The following SOBP variants were observed in gnomAD, a reference collection of about 807,000 sequenced individuals.
SOBP encodes the protein sine oculis binding protein homolog, also known as sine oculis-binding protein homolog.
SOBP carries 4 observed loss-of-function variants against 53.6 expected under a neutral mutation model. The observed-to-expected ratio is 0.07, with a 90% confidence interval of 0.04 to 0.17. The LOEUF is 0.17. SOBP is among the 10% of genes least tolerant of loss of function. The pLI is 1.00. For synonymous variants in SOBP, 584 were observed against 522.6 expected, an observed-to-expected ratio of 1.12 and a Z score of -1.60; for missense variants, 1,088 against 1,204.7, an observed-to-expected ratio of 0.90 and a Z score of 1.43.
At chr6:107,514,201 G>A (rs984936736) in intron 3 of SOBP, 1 of 152,202 alleles carries the variant, frequency 6.6e-6, no homozygotes, top group Admixed American at 6.5e-5. Context: ...TAATAGTACT[G>A]TTGGCATATG....
At position 107,634,627 on chromosome 6, in the gene SOBP, G is replaced by A; in HGVS notation, c.1783G>A (p.Ala595Thr). ...CTCCAAGCAGGGCTCGTCCAAGTCC[G>A]CGGACTCGCCCCCCGGCTGCTCGGG... ...RDSKQGSSKS[A>T]DSPPGCSGQA... Residue 595 changes from alanine to threonine, a missense_variant, in exon 6 of 7, where the codon GCG (alanine) becomes ACG (threonine). Physicochemically the swap from Ala to Thr is moderately conservative, Grantham distance 58. Around this residue, in one of 6 missense-constraint regions of SOBP, gnomAD observed 665 missense variants for 629.7 expected, o/e 1.06. Coordinates refer to ENST00000317357, the MANE Select transcript of SOBP (RefSeq NM_018013.4). This position sits in a 1 kb window ranked among gnomAD's most constrained non-coding sequence, Gnocchi z 4.5. 1 of 1,587,508 alleles carries A rather than the reference G, an allele frequency of 6.3e-7. No individual in the cohort carries two copies. Among genetic ancestry groups the A allele is most frequent in the Non-Finnish European group, 8.5e-7 (1 of 1,173,222 alleles).
At chr6:107,580,554 AG>A (rs1235207408) in intron 4 of SOBP, among the ~76,000 whole-genome samples, 1 of 152,210 alleles carries the variant, frequency 6.6e-6, no homozygotes, top group Non-Finnish European at 1.5e-5. Flanking sequence ...ATGGTAACCA[AG>A]GAGTCTCAGA....
rs1036853806 is a variant in SOBP, at chr6:107,635,089, C to T, written c.2245C>T (p.Pro749Ser). 9.4e-6 allele frequency: 15 copies of T among 1,591,218 alleles called. No individual in the cohort carries two copies. The change falls in exon 6 of 7, where the codon CCG becomes TCG. Residue 749 changes from proline to serine, a missense_variant. Physicochemically the swap from Pro to Ser is moderately conservative, Grantham distance 74. This residue lies in a region of SOBP where 665 missense variants were observed against 629.7 expected (regional missense o/e 1.06). Coordinates refer to ENST00000317357, the MANE Select transcript of SOBP (RefSeq NM_018013.4). The surrounding 1 kb of genome is among the most constrained non-coding windows in gnomAD (Gnocchi z 4.5). ...GCCTCCCGAGCAGCCGCCGCCGCCG[C>T]CGCCGCCCGCGCCCCCCAAGAAGCT... ...EPPPEQPPPP[P>S]PPAPPKKLLS... is the part of the protein sequence containing the mutation.
At chr6:107,625,291 G>A (rs1244716644) in intron 5 of SOBP, among the ~76,000 whole-genome samples, 2 of 152,224 alleles carry the variant, frequency 1.3e-5, no homozygotes, top group East Asian at 1.9e-4. Flanking sequence ...GATACCAGGG[G>A]CTGAGTTGGG....
At chr6:107,532,682 G>A (rs1342472684) in intron 3 of SOBP, among the ~76,000 whole-genome samples, 5 of 152,172 alleles carry the variant, frequency 3.3e-5, no homozygotes, top group Non-Finnish European at 7.3e-5. Context: ...GACATGACAT[G>A]AGGGGCTGGG....
At chr6:107,591,968 G>GTTTTTTTTT (rs56210027) in intron 5 of SOBP, among the ~76,000 whole-genome samples, 5 of 88,636 alleles carry the variant, frequency 5.6e-5, no homozygotes, top group Admixed American at 1.3e-4. Context: ...GTCTTTTGGT[G>GTTTTTTTTT]TTTTTTTTTT....
At chr6:107,652,929 C>T (rs1285944071) in intron 6 of SOBP, among the ~76,000 whole-genome samples, 2 of 151,944 alleles carry the variant, frequency 1.3e-5, no homozygotes, top group Non-Finnish European at 2.9e-5. Flanking sequence ...TGCTACTGCA[C>T]ATTTAATAGA....
chr6:107,526,612 G>A (rs1783672836), intron 3 of SOBP, among the ~76,000 whole-genome samples: 1 of 152,196 alleles, frequency 6.6e-6, no homozygotes, highest in Non-Finnish European at 1.5e-5. Flanking sequence ...GTCATAAAAT[G>A]AGCCACACAC....
At chr6:107,644,370 T>TA (rs1398499495) in intron 6 of SOBP, among the ~76,000 whole-genome samples, 1 of 152,192 alleles carries the variant, frequency 6.6e-6, no homozygotes, top group Admixed American at 6.5e-5. Context: ...CACATGAACT[T>TA]AAAGTGTCAT....
chr6:107,640,899 C>T (rs990471426), intron 6 of SOBP, among the ~76,000 whole-genome samples: 11 of 152,186 alleles, frequency 7.2e-5, no homozygotes, highest in African/African-American at 2.7e-4. Context: ...CTGGTCCTGG[C>T]TCTGTCTCCA....
At chr6:107,645,382 A>G (rs1331287225) in intron 6 of SOBP, among the ~76,000 whole-genome samples, 2 of 152,160 alleles carry the variant, frequency 1.3e-5, no homozygotes, top group Non-Finnish European at 2.9e-5. Flanking sequence ...TCCATTTTGC[A>G]CTAACAATAT....
At chr6:107,618,130 G>A (rs1236866960) in intron 5 of SOBP, among the ~76,000 whole-genome samples, 3 of 152,054 alleles carry the variant, frequency 2.0e-5, no homozygotes, top group South Asian at 2.1e-4. Context: ...TGCGCGGCCC[G>A]TATGCCTTCT....
intron 1 of SOBP, among the ~76,000 whole-genome samples, chr6:107,491,014 G>C (rs1410630633): frequency 6.6e-6 from 1 of 152,138 alleles, no homozygotes; most frequent in Non-Finnish European, 1.5e-5. Context: ...CGTTGGGCAG[G>C]GGAAGAGGCT....
At chr6:107,522,807 G>T (rs913931871) in intron 3 of SOBP, among the ~76,000 whole-genome samples, 4 of 152,214 alleles carry the variant, frequency 2.6e-5, no homozygotes, top group Middle Eastern at 3.4e-3. Flanking sequence ...GCCCCAGAAA[G>T]TGCTGGGATT....
chr6:107,496,970 G>T (rs1782717888), intron 1 of SOBP, among the ~76,000 whole-genome samples: 1 of 152,176 alleles, frequency 6.6e-6, no homozygotes, highest in African/African-American at 2.4e-5. Flanking sequence ...TCAGCCCTGG[G>T]CCAGGCCTGA....
At position 107,599,627 on chromosome 6, in the gene SOBP, T is replaced by C. The variant is rs1393297036; in HGVS notation, c.669+12452T>C. On this transcript the variant is annotated intron_variant, in intron 5 of 6. Coordinates refer to ENST00000317357, the MANE Select transcript of SOBP (RefSeq NM_018013.4). ...ATTTTTGAGAAAAAAAAAAAAAGGT[T>C]GCTAGCTCCCAAATTAAATTTCTTA... 2.3e-5 allele frequency among the ~76,000 whole-genome samples: 3 copies of C among 130,372 alleles called. No individual in the cohort carries two copies. The East Asian group carries it at 8.3e-4, about 36-fold the overall frequency. 85.5% of individuals were successfully genotyped at this position (130,372 alleles called of 152,430 possible).
At chr6:107,516,625 C>T (rs1405066725) in intron 3 of SOBP, among the ~76,000 whole-genome samples, 1 of 152,108 alleles carries the variant, frequency 6.6e-6, no homozygotes, top group Non-Finnish European at 1.5e-5. Context: ...GACCTCCCTA[C>T]AGTCAATCTA....
intron 4 of SOBP, among the ~76,000 whole-genome samples, chr6:107,561,017 C>T (rs1784758350): frequency 6.6e-6 from 1 of 152,156 alleles, no homozygotes; most frequent in Non-Finnish European, 1.5e-5. Context: ...CTTTCTTCTG[C>T]AAAGGTCTGT....
chr6:107,605,011 G>T (rs759249969), intron 5 of SOBP, among the ~76,000 whole-genome samples: 4 of 151,898 alleles, frequency 2.6e-5, no homozygotes, highest in African/African-American at 4.8e-5. Flanking sequence ...TTCCCTTCAG[G>T]TCCCAGTCAC....
Sources: allele counts gnomAD v4.1 joint callset (sites outside exome capture counted in the v4.1 genomes callset), GRCh38; gene constraint gnomAD v4.1.1; regional missense constraint gnomAD v4.1.1; non-coding constraint Gnocchi (gnomAD v3.1); transcripts MANE v1.5; gene names NCBI Gene and HGNC (gene_info 2026-07-23, HGNC 2026-07-21).